The following CCSAP variants were observed in gnomAD, a reference collection of about 807,000 sequenced individuals.
CCSAP encodes centriole, cilia and spindle-associated protein.
In CCSAP, 17 loss-of-function variants were observed where a neutral mutation model predicts 25.9. The observed-to-expected ratio is 0.66, with a 90% CI of 0.45 to 0.99. The LOEUF is 0.99. Among genes scored for constraint, CCSAP ranks in the 50% least tolerant of loss-of-function variants. The pLI is 0.00. For synonymous variants in CCSAP, 169 were observed against 157.1 expected (o/e 1.08, Z -0.57); for missense variants, 339 against 367.8 (o/e 0.92, Z 0.64).
chr1:229,328,274 A>G (rs112455505), intron 2 of CCSAP, among the ~76,000 whole-genome samples: 2,874 of 152,060 alleles, frequency 0.019, 95 homozygotes, highest in African/African-American at 0.065. Flanking sequence ...GATGCTCCAG[A>G]GTTTTGCTCT....
Position 229,325,185 on chromosome 1 carries a change from CT to C in CCSAP, c.*49del. The C allele has an allele frequency of 6.7e-7, 1 of 1,482,724 alleles. No homozygotes were observed. The allele number at this position is 1,482,724 out of a possible 1,614,324, so 91.8% of individuals were successfully genotyped here. A position where few individuals can be genotyped will look rare whatever the true frequency, so the allele number is the denominator to read the frequency against. ...TTTGATGGTTTTTGTTTTGTTTTTCCTTTCAGTCATTTACACTTTTTAAAAG... is the reference window on the plus strand; with the variant it reads ...TTTGATGGTTTTTGTTTTGTTTTTCCTTCAGTCATTTACACTTTTTAAAAG... On this transcript the variant is annotated 3_prime_UTR_variant, in exon 4 of 4. Coordinates refer to ENST00000284617, the MANE Select transcript of CCSAP (RefSeq NM_145257.5).
Position 229,335,414 on chromosome 1 carries a change from A to G in CCSAP, c.367+6685T>C, listed in dbSNP as rs957830861. Among the ~76,000 whole-genome samples the G allele has an allele frequency of 2.0e-5, 3 of 152,308 alleles. No homozygotes were observed. In the East Asian group the frequency reaches 5.8e-4, roughly 29 times the overall value. On this transcript the variant is annotated intron_variant, in intron 2 of 3. Coordinates refer to ENST00000284617, the MANE Select transcript of CCSAP (RefSeq NM_145257.5). Reference sequence around the variant, plus strand: ...TCTCTTTTCCAAAAGTTCAGCATCAATCAGCACCCCAGCCCTCGTGCTCTT... The same window carrying G: ...TCTCTTTTCCAAAAGTTCAGCATCAGTCAGCACCCCAGCCCTCGTGCTCTT...
At chr1:229,329,938 C>T (rs926906946) in intron 2 of CCSAP, among the ~76,000 whole-genome samples, 2 of 152,056 alleles carry the variant, frequency 1.3e-5, no homozygotes, top group African/African-American at 2.4e-5. Context: ...TTGCAGTGAG[C>T]CGAGATTGCA....
chr1:229,342,247 T>G lies in CCSAP; in HGVS notation c.219A>C (p.Ala73=), dbSNP rs1425706039. The G allele has an allele frequency of 7.9e-7, 1 of 1,266,714 alleles. No individual in the cohort carries two copies. Among genetic ancestry groups the G allele is most frequent in the East Asian group, 3.2e-5 (1 of 31,416 alleles). 78.5% of individuals were successfully genotyped at this position (1,266,714 alleles called of 1,614,324 possible). Residue 73 remains alanine, a synonymous_variant, in exon 2 of 4, where the codon GCA becomes GCC. Transcript: ENST00000284617. The surrounding 1 kb of genome is among the most constrained non-coding windows in gnomAD (Gnocchi z 7.5). The part of the protein sequence containing the change: ...SSESSGAGGP[A]PRCAPPSPPP... Reference sequence around the variant, plus strand: ...GGGGCGAGGGCGGGGCGCACCGGGGTGCGGGGCCCCCGGCGCCCGACGACT... The same window carrying G: ...GGGGCGAGGGCGGGGCGCACCGGGGGGCGGGGCCCCCGGCGCCCGACGACT...
intron 2 of CCSAP, among the ~76,000 whole-genome samples, chr1:229,338,568 C>CACACAG (rs1558252690): frequency 6.6e-6 from 1 of 150,790 alleles, no homozygotes; most frequent in Non-Finnish European, 1.5e-5. Context: ...CACACACACA[C>CACACAG]ACACACAGAA....
rs777028561 is a variant in CCSAP at position 229,326,792 on chromosome 1, G to C, written c.582C>G (p.Thr194=). 1 of 1,614,174 alleles carries C rather than the reference G, an allele frequency of 6.2e-7. No individual in the cohort carries two copies. Among genetic ancestry groups the C allele is most frequent in the Non-Finnish European group, 8.5e-7 (1 of 1,180,042 alleles). Residue 194 remains threonine, a synonymous_variant, in exon 3 of 4, where the codon ACC becomes ACG. Transcript: ENST00000284617. ...FALYGWGEKQ[T]DTGSQKTHNV... ...TGTGAGTCTTCTGGCTTCCTGTATC[G>C]GTCTGTTTTTCTCCCCAGCCATAAA...
rs1288002757 is a variant in CCSAP, at chr1:229,342,139, C to T, written c.327G>A (p.Gly109=). ...CCTCCGCGTCCTCGGCCTCCGCGTC[C>T]CCGGCCTCCGCGTCCTGCTCCTCCG... ...GAPEEQDAEA[G]DAEAEDAEDA... The change falls in exon 2 of 4, where the codon GGG becomes GGA. Residue 109 remains glycine (G), a synonymous_variant. Transcript: ENST00000284617. This position sits in a 1 kb window ranked among gnomAD's most constrained non-coding sequence, Gnocchi z 7.5. The T allele has an allele frequency of 4.5e-6, 6 of 1,334,524 alleles. No homozygotes were observed. The highest frequency in any genetic ancestry group is 6.3e-5 in the Admixed American group (2 of 31,986). The allele number at this position is 1,334,524 out of a possible 1,614,324, so 82.7% of individuals were successfully genotyped here. A position where few individuals can be genotyped will look rare whatever the true frequency, so the allele number is the denominator to read the frequency against.
intron 2 of CCSAP, among the ~76,000 whole-genome samples, chr1:229,327,751 C>G (rs1657977500): frequency 6.6e-6 from 1 of 151,894 alleles, no homozygotes; most frequent in African/African-American, 2.4e-5. Context: ...TGCCTGTAGT[C>G]CCAGCTACTC....
chr1:229,325,728 TAA>T (rs1657925521), intron 3 of CCSAP, among the ~76,000 whole-genome samples: 1 of 152,264 alleles, frequency 6.6e-6, no homozygotes, highest in Non-Finnish European at 1.5e-5. Flanking sequence ...TGCTTAGCAT[TAA>T]ACATAAGTAT....
Position 229,342,146 on chromosome 1 carries a change from T to C in CCSAP, c.320A>G (p.Glu107Gly). The C allele has an allele frequency of 3.0e-6, 4 of 1,328,220 alleles. No individual in the cohort carries two copies. Among genetic ancestry groups the C allele is most frequent in the South Asian group, 2.1e-5 (1 of 46,644 alleles). 82.3% of individuals were successfully genotyped at this position (1,328,220 alleles called of 1,614,324 possible). Residue 107 changes from glutamate (E) to glycine (G), a missense_variant, in exon 2 of 4, where the codon GAG becomes GGG. Transcript: ENST00000284617. This position sits in a 1 kb window ranked among gnomAD's most constrained non-coding sequence, Gnocchi z 7.5. ...GTCCTCGGCCTCCGCGTCCCCGGCC[T>C]CCGCGTCCTGCTCCTCCGGGGCCCC... ...ARGAPEEQDA[E>G]AGDAEAEDAE...
At chr1:229,332,729 A>C (rs576677720) in intron 2 of CCSAP, among the ~76,000 whole-genome samples, 9 of 152,208 alleles carry the variant, frequency 5.9e-5, no homozygotes, top group Non-Finnish European at 1.2e-4. Context: ...TAATTAATTA[A>C]AAGTAAATAA....
At chr1:229,339,482 T>C (rs545551271) in intron 2 of CCSAP, among the ~76,000 whole-genome samples, 1 of 152,134 alleles carries the variant, frequency 6.6e-6, no homozygotes, top group South Asian at 2.1e-4. Context: ...CTCTGAACCA[T>C]CCTTTCTTGG....
At chr1:229,326,222 A>G (rs1027468011) in intron 3 of CCSAP, among the ~76,000 whole-genome samples, 4 of 152,148 alleles carry the variant, frequency 2.6e-5, no homozygotes, top group Non-Finnish European at 5.9e-5. Flanking sequence ...TGCATTTGTT[A>G]TGGATGAACA....
chr1:229,337,792 G>A (rs1437801869), intron 2 of CCSAP, among the ~76,000 whole-genome samples: 2 of 147,648 alleles, frequency 1.4e-5, no homozygotes, highest in Non-Finnish European at 3.0e-5. Flanking sequence ...TAATATGTCT[G>A]ACAAATGGCA....
intron 2 of CCSAP, among the ~76,000 whole-genome samples, chr1:229,330,074 C>CA (rs11422174): frequency 0.38 from 54,439 of 141,502 alleles, 10,308 homozygotes; most frequent in Admixed American, 0.43. Flanking sequence ...GACAGGTGGA[C>CA]AGACAACAAG....
chr1:229,337,694 T>TATATAG (rs1658225567), intron 2 of CCSAP, among the ~76,000 whole-genome samples: 1 of 56,324 alleles, frequency 1.8e-5, no homozygotes, highest in African/African-American at 6.9e-5. Flanking sequence ...TATATATATA[T>TATATAG]ATATACACAT....
chr1:229,327,021 TAAATG>T lies in CCSAP; in HGVS notation c.368-20_368-16del. 4 of 1,575,200 alleles carry T rather than the reference TAAATG, an allele frequency of 2.5e-6. No homozygotes were observed. The highest frequency in any genetic ancestry group is 3.4e-6 in the Non-Finnish European group (4 of 1,163,262). On this transcript the variant is annotated splice_polypyrimidine_tract_variant and intron_variant, in intron 2 of 3. Coordinates refer to ENST00000284617, the MANE Select transcript of CCSAP (RefSeq NM_145257.5). ...CACTGGCAGTGCTTTTGAAAAGAGA[TAAATG>T]AGATGAAAATACTTTGAAATCAGAT... is the stretch of plus-strand genomic sequence containing the variant.
Position 229,342,471 on chromosome 1 carries a change from C to T in CCSAP, c.-6G>A, listed in dbSNP as rs752024632. 2.2e-6 allele frequency: 3 copies of T among 1,337,002 alleles called. No individual in the cohort carries two copies. The highest frequency in any genetic ancestry group is 3.0e-5 in the Admixed American group (1 of 33,220). The allele number at this position is 1,337,002 out of a possible 1,614,324, so 82.8% of individuals were successfully genotyped here. A position where few individuals can be genotyped will look rare whatever the true frequency, so the allele number is the denominator to read the frequency against. ...ACCCCGCTCCCCGGGGACATGGTGC[C>T]GTCCGCCGCCTCGAGCGCCAGCCGC... On this transcript the variant is annotated 5_prime_UTR_variant, in exon 2 of 4. Transcript: ENST00000284617. This position sits in a 1 kb window ranked among gnomAD's most constrained non-coding sequence, Gnocchi z 7.5.
At chr1:229,335,311 C>T (rs149456158) in intron 2 of CCSAP, among the ~76,000 whole-genome samples, 2,768 of 151,954 alleles carry the variant, frequency 0.018, 41 homozygotes, top group Middle Eastern at 0.055. Context: ...AGACTGAGAC[C>T]CTGTCTCAAA....
Sources: allele counts gnomAD v4.1 joint callset (sites outside exome capture counted in the v4.1 genomes callset), GRCh38; gene constraint gnomAD v4.1.1; non-coding constraint Gnocchi (gnomAD v3.1); transcripts MANE v1.5; gene names NCBI Gene and HGNC (gene_info 2026-07-23, HGNC 2026-07-21).